The following RAB11FIP5 variants were observed in gnomAD, a reference collection of about 807,000 sequenced individuals.
RAB11FIP5 encodes the protein RAB11 family interacting protein 5, also known as rab11 family-interacting protein 5.
A neutral mutation model predicts 85.1 loss-of-function variants in RAB11FIP5; 48 were observed. That is an observed-to-expected ratio of 0.56 (90% CI 0.45 to 0.72). The LOEUF is 0.72. RAB11FIP5 is among the 30% of genes least tolerant of loss of function. The pLI, the probability that RAB11FIP5 is intolerant of heterozygous loss-of-function variation, is 0.00. For synonymous variants in RAB11FIP5, 729 were observed against 727.3 expected (o/e 1.00, Z -0.04); for missense variants, 1,491 against 1,687.0 (o/e 0.88, Z 2.04).
intron 1 of RAB11FIP5, among the ~76,000 whole-genome samples, chr2:73,097,955 T>A (rs1049407667): frequency 7.4e-6 from 1 of 135,166 alleles, no homozygotes; most frequent in Non-Finnish European, 1.5e-5. Context: ...AATCACTCAG[T>A]TAGCACCTAC....
rs984929428 is a variant in RAB11FIP5, at chr2:73,112,481, G to A, written c.297C>T (p.Ala99=). ...GCTCGCAGGCGGCGGCGGAGCTCGC[G>A]GCCCAGGGCGCCGGGCCCGCGTCGG... ...QEADAGPAPW[A]ASSAAACELV... Residue 99 remains alanine (A), a synonymous_variant, in exon 1 of 6, where the codon GCC becomes GCT. Coordinates refer to ENST00000486777, the MANE Select transcript of RAB11FIP5 (RefSeq NM_001371272.1). 1.4e-6 allele frequency: 2 copies of A among 1,469,976 alleles called. No individual in the cohort carries two copies. Among genetic ancestry groups the A allele is most frequent in the African/African-American group, 1.5e-5 (1 of 67,546 alleles). The allele number at this position is 1,469,976 out of a possible 1,614,324, so 91.1% of individuals were successfully genotyped here.
chr2:73,081,123 T>C lies in RAB11FIP5; in HGVS notation c.2109A>G (p.Gly703=), dbSNP rs1308876574. The C allele has an allele frequency of 8.2e-7, 1 of 1,219,742 alleles. No individual in the cohort carries two copies. Among genetic ancestry groups the C allele is most frequent in the East Asian group, 3.3e-5 (1 of 30,768 alleles). The allele number at this position is 1,219,742 out of a possible 1,614,324, so 75.6% of individuals were successfully genotyped here. Residue 703 remains glycine (G), a synonymous_variant, in exon 4 of 6, where the codon GGA becomes GGG. Transcript: ENST00000486777. The surrounding 1 kb of genome is among the most constrained non-coding windows in gnomAD (Gnocchi z 4.2). The part of the protein sequence containing the change: ...AAEPQGEPGG[G]GGGGGGGGGR... ...CTCCTCCTCCTCCTCCTCCTCCTCC[T>C]CCTCCCCCAGGCTCTCCCTGGGGCT...
rs140774835 is a variant in RAB11FIP5 at position 73,079,042 on chromosome 2, A to C, written c.3581+609T>G. On this transcript the variant is annotated intron_variant, in intron 4 of 5. Coordinates refer to ENST00000486777, the MANE Select transcript of RAB11FIP5 (RefSeq NM_001371272.1). ...ATGAAGCAACTGCTGCGCGTGGGGA[A>C]CCTTTCTTCTGAGAGTTACATATGT... Among the ~76,000 whole-genome samples, 745 of 152,282 alleles carry C rather than the reference A, an allele frequency of 4.9e-3. 3 individuals are homozygous for C. Among genetic ancestry groups the C allele is most frequent in the African/African-American group, 0.017 (703 of 41,550 alleles).
Position 73,075,779 on chromosome 2 carries a change from T to TGCCC in RAB11FIP5, c.3772-59_3772-56dup. The TGCCC allele has an allele frequency of 2.6e-6, 4 of 1,518,126 alleles. No individual in the cohort carries two copies. Among genetic ancestry groups the TGCCC allele is most frequent in the Admixed American group, 2.0e-5 (1 of 50,378 alleles). 94.0% of individuals were successfully genotyped at this position (1,518,126 alleles called of 1,614,324 possible). A position where few individuals can be genotyped will look rare whatever the true frequency, so the allele number is the denominator to read the frequency against. Reference sequence around the variant, plus strand: ...GCAGCCCTAGGCCTGCCTGCCTGCCTGCCCGCTTGCCCGCCCGCCCGCCTG... The same window carrying TGCCC: ...GCAGCCCTAGGCCTGCCTGCCTGCCTGCCCGCCCGCTTGCCCGCCCGCCCGCCTG... On this transcript the variant is annotated intron_variant, in intron 5 of 5. Transcript: ENST00000486777. The surrounding 1 kb of genome is among the most constrained non-coding windows in gnomAD (Gnocchi z 4.6).
rs1684176341 is a variant in RAB11FIP5 at position 73,089,903 on chromosome 2, ACACACACACACAC to A, written c.432-601_432-589del. On this transcript the variant is annotated intron_variant, in intron 1 of 5. Transcript: ENST00000486777. This position sits in a 1 kb window ranked among gnomAD's most constrained non-coding sequence, Gnocchi z 4.6. ...TGTATACACACACACACACACACACACACACACACACACCTCACTCACACACTGACTCACCCCA... is the reference window on the plus strand; with the variant it reads ...TGTATACACACACACACACACACACACTCACTCACACACTGACTCACCCCA... 6.6e-6 allele frequency among the ~76,000 whole-genome samples: 1 copy of A among 151,614 alleles called. No individual in the cohort carries two copies. Among genetic ancestry groups the A allele is most frequent in the South Asian group, 2.1e-4 (1 of 4,800 alleles).
intron 1 of RAB11FIP5, among the ~76,000 whole-genome samples, chr2:73,096,904 T>C (rs1338901307): frequency 6.6e-6 from 1 of 152,190 alleles, no homozygotes. Flanking sequence ...CTATACGTGC[T>C]GCTCTCTCTG....
Position 73,080,667 on chromosome 2 carries a change from A to G in RAB11FIP5, c.2565T>C (p.Ser855=). 2 of 1,232,430 alleles carry G rather than the reference A, an allele frequency of 1.6e-6. No homozygotes were observed. Among genetic ancestry groups the G allele is most frequent in the Non-Finnish European group, 2.0e-6 (2 of 988,048 alleles). The allele number at this position is 1,232,430 out of a possible 1,614,324, so 76.3% of individuals were successfully genotyped here. The change falls in exon 4 of 6, where the codon TCT becomes TCC. Residue 855 remains serine, a synonymous_variant. Transcript: ENST00000486777. ...GCTGCACCTGGGGAGCAGGCTCATC[A>G]GACTCTCCCCGAAAGACTAGTGAGG... The part of the protein sequence containing the change: ...ETASLVFRGE[S]DEPAPQVQPE...
chr2:73,081,095 T>TTCC lies in RAB11FIP5; in HGVS notation c.2134_2136dup (p.Gly712dup), dbSNP rs72344675. The TTCC allele has an allele frequency of 3.2e-3, 3,919 of 1,229,890 alleles. 6 individuals carry two copies. The highest frequency in any genetic ancestry group is 0.017 in the Middle Eastern group (55 of 3,244). The allele number at this position is 1,229,890 out of a possible 1,614,324, so 76.2% of individuals were successfully genotyped here. On this transcript the variant is annotated inframe_insertion, in exon 4 of 6. Transcript: ENST00000486777. This position sits in a 1 kb window ranked among gnomAD's most constrained non-coding sequence, Gnocchi z 4.2. ...TCCAGCCACACGCTGCTCCCACCTCTTCCTCCTCCTCCTCCTCCTCCTCCT... is the reference window on the plus strand; with the variant it reads ...TCCAGCCACACGCTGCTCCCACCTCTTCCTCCTCCTCCTCCTCCTCCTCCTCCT...
At chr2:73,092,189 G>T (rs896094911) in intron 1 of RAB11FIP5, among the ~76,000 whole-genome samples, 1 of 152,196 alleles carries the variant, frequency 6.6e-6, no homozygotes, top group Non-Finnish European at 1.5e-5. Context: ...TCTAGCACAG[G>T]AAAGTCCTGG....
rs373810830 is a variant in RAB11FIP5, at chr2:73,088,858, G to A, written c.868+21C>T. On this transcript the variant is annotated intron_variant, in intron 2 of 5. Transcript: ENST00000486777. ...GAGCCAGTGCCCCCCTCCCCAGGGC[G>A]GCGGCCCTGTGCTTGCTCACCCCCT... 316 of 1,547,752 alleles carry A rather than the reference G, an allele frequency of 2.0e-4. 1 individual carries two copies. Among genetic ancestry groups the A allele is most frequent in the Non-Finnish European group, 2.6e-4 (296 of 1,149,816 alleles).
chr2:73,088,867 G>A lies in RAB11FIP5; in HGVS notation c.868+12C>T. The A allele has an allele frequency of 6.4e-7, 1 of 1,557,734 alleles. No individual in the cohort carries two copies. On this transcript the variant is annotated intron_variant, in intron 2 of 5. Transcript: ENST00000486777. The stretch of plus-strand genomic sequence containing the variant: ...CCCCCCTCCCCAGGGCGGCGGCCCT[G>A]TGCTTGCTCACCCCCTTCAGTGGAC...
chr2:73,103,320 C>G (rs1192006237), intron 1 of RAB11FIP5, among the ~76,000 whole-genome samples: 1 of 152,154 alleles, frequency 6.6e-6, no homozygotes, highest in Non-Finnish European at 1.5e-5. Context: ...ACTCATCCCT[C>G]CTCAGACCCC....
Position 73,089,546 on chromosome 2 carries a change from C to A in RAB11FIP5, c.432-231G>T, listed in dbSNP as rs775650902. 4.9e-6 allele frequency: 3 copies of A among 607,826 alleles called. No homozygotes were observed. Among genetic ancestry groups the A allele is most frequent in the Non-Finnish European group, 6.0e-6 (2 of 336,008 alleles). 37.7% of individuals were successfully genotyped at this position (607,826 alleles called of 1,614,324 possible). ...AAACCACATCCTGAGTGGGGAAGCTCCTCGGGTGCCACCAGGTAGGGCGGC... is the reference window on the plus strand; with the variant it reads ...AAACCACATCCTGAGTGGGGAAGCTACTCGGGTGCCACCAGGTAGGGCGGC... On this transcript the variant is annotated intron_variant, in intron 1 of 5. Transcript: ENST00000486777. This position sits in a 1 kb window ranked among gnomAD's most constrained non-coding sequence, Gnocchi z 4.6.
chr2:73,081,655 A>T lies in RAB11FIP5; in HGVS notation c.1577T>A (p.Val526Glu). 1 of 1,231,962 alleles carries T rather than the reference A, an allele frequency of 8.1e-7. No homozygotes were observed. Among genetic ancestry groups the T allele is most frequent in the Non-Finnish European group, 1.0e-6 (1 of 987,758 alleles). 76.3% of individuals were successfully genotyped at this position (1,231,962 alleles called of 1,614,324 possible). Residue 526 changes from valine (V) to glutamate (E), a missense_variant, in exon 4 of 6, where the codon GTG (valine) becomes GAG (glutamate). By Grantham distance (121) the Val-to-Glu change is moderately radical (BLOSUM62 -2). Around this residue, in one of 3 missense-constraint regions of RAB11FIP5, gnomAD observed 1,211 missense variants for 1,338.0 expected, o/e 0.91. Coordinates refer to ENST00000486777, the MANE Select transcript of RAB11FIP5 (RefSeq NM_001371272.1). This position sits in a 1 kb window ranked among gnomAD's most constrained non-coding sequence, Gnocchi z 4.2. ...TGGGTCAGATTCTACCTGAGGAGAC[A>T]CGTCCAGGCTGTGGAGGGAGACAAA... is the stretch of plus-strand genomic sequence containing the variant. ...KDPTQKPSLD[V>E]SPQVESDPAA...
At position 73,080,530 on chromosome 2, in the gene RAB11FIP5, G is replaced by A. The variant is rs1683954500; in HGVS notation, c.2702C>T (p.Pro901Leu). The A allele has an allele frequency of 8.1e-7, 1 of 1,232,800 alleles. No homozygotes were observed. The highest frequency in any genetic ancestry group is 1.0e-6 in the Non-Finnish European group (1 of 988,246). The allele number at this position is 1,232,800 out of a possible 1,614,324, so 76.4% of individuals were successfully genotyped here. ...TGTGAAGAGGCGCGGTGGCTTGGGAGGTGGGGTGCTGGGCTGCAGCCCCTT... is the reference window on the plus strand; with the variant it reads ...TGTGAAGAGGCGCGGTGGCTTGGGAAGTGGGGTGCTGGGCTGCAGCCCCTT... ...SDKGLQPSTP[P>L]PKPPRLFTPS... Residue 901 changes from proline (P) to leucine (L), a missense_variant, in exon 4 of 6, where the codon CCT becomes CTT. By Grantham distance (98) the Pro-to-Leu change is moderately conservative. This residue lies in a region of RAB11FIP5 where 1,211 missense variants were observed against 1,338.0 expected (regional missense o/e 0.91). Coordinates refer to ENST00000486777, the MANE Select transcript of RAB11FIP5 (RefSeq NM_001371272.1).
Position 73,089,443 on chromosome 2 carries a change from C to G in RAB11FIP5, c.432-128G>C. 1 of 934,734 alleles carries G rather than the reference C, an allele frequency of 1.1e-6. No homozygotes were observed. Among genetic ancestry groups the G allele is most frequent in the Non-Finnish European group, 1.7e-6 (1 of 574,430 alleles). The allele number at this position is 934,734 out of a possible 1,614,324, so 57.9% of individuals were successfully genotyped here. On this transcript the variant is annotated intron_variant, in intron 1 of 5. Transcript: ENST00000486777. This position sits in a 1 kb window ranked among gnomAD's most constrained non-coding sequence, Gnocchi z 4.6. ...ACTGATAGCCTCTCCCCAAAGGCTC[C>G]TGCTCTGACCCATCGGCCTGGGCTT...
At chr2:73,112,215 T>C in intron 1 of RAB11FIP5, 132 bp downstream of exon 1, 1 of 1,080,072 alleles carries the variant, frequency 9.3e-7, no homozygotes, top group Non-Finnish European at 1.2e-6. Context: ...GAACCAACGT[T>C]TCTGTCGGTT....
In RAB11FIP5 at chr2:73,088,252, C is replaced by T. The variant is rs1175024098; in HGVS notation, c.1366G>A (p.Glu456Lys). 1.2e-6 allele frequency: 2 copies of T among 1,613,992 alleles called. No individual in the cohort carries two copies. The highest frequency in any genetic ancestry group is 1.7e-6 in the Non-Finnish European group (2 of 1,180,030). ...AGACCCATCCGGGGCTTGCGTTCCT[C>T]CTTCCGGGCTCCCTCCTTCTCTGCC... is the stretch of plus-strand genomic sequence containing the variant. The part of the protein sequence containing the change: ...AVAEKEGARK[E>K]ERKPRMGLFH... The change falls in exon 3 of 6, where the codon GAG (glutamate) becomes AAG (lysine). Residue 456 changes from glutamate (E) to lysine (K), a missense_variant. By Grantham distance (56) the Glu-to-Lys change is moderately conservative. Transcript: ENST00000486777.
chr2:73,110,798 C>T (rs1684640837), intron 1 of RAB11FIP5, among the ~76,000 whole-genome samples: 1 of 152,098 alleles, frequency 6.6e-6, no homozygotes, highest in South Asian at 2.1e-4. Context: ...TCCTCCTGTT[C>T]CCCCAGCACC....
Sources: allele counts gnomAD v4.1 joint callset (sites outside exome capture counted in the v4.1 genomes callset), GRCh38; gene constraint gnomAD v4.1.1; regional missense constraint gnomAD v4.1.1; non-coding constraint Gnocchi (gnomAD v3.1); transcripts MANE v1.5; gene names NCBI Gene and HGNC (gene_info 2026-07-23, HGNC 2026-07-21).